The following SPAG5 variants were observed in gnomAD, a reference collection of about 807,000 sequenced individuals.
SPAG5 encodes the protein sperm-associated antigen 5.
Under a neutral mutation model 145.4 loss-of-function variants are expected in SPAG5, and 99 were observed. The ratio of observed to expected loss-of-function variants is 0.68; its 90% confidence interval spans 0.58 to 0.80. SPAG5 has a LOEUF of 0.80. SPAG5 is among the 30% of genes least tolerant of loss of function. The pLI is 0.00. For synonymous variants in SPAG5, 477 were observed against 525.4 expected, an observed-to-expected ratio of 0.91 and a Z score of 1.26; for missense variants, 1,192 against 1,416.0, an observed-to-expected ratio of 0.84 and a Z score of 2.54.
At chr17:28,594,727 T>G (rs1172873163) in intron 2 of SPAG5, among the ~76,000 whole-genome samples, 1 of 152,258 alleles carries the variant, frequency 6.6e-6, no homozygotes, top group Non-Finnish European at 1.5e-5. Context: ...TGGGTATTAG[T>G]TACATGGATG....
In SPAG5 at chr17:28,592,098, G is replaced by A. The variant is rs769602584; in HGVS notation, c.1146C>T (p.Cys382=). 6.2e-7 allele frequency: 1 copy of A among 1,614,158 alleles called. No individual in the cohort carries two copies. The highest frequency in any genetic ancestry group is 1.1e-5 in the South Asian group (1 of 91,084). Residue 382 remains cysteine, a synonymous_variant, in exon 3 of 24, where the codon TGC becomes TGT. Coordinates refer to ENST00000321765, the MANE Select transcript of SPAG5 (RefSeq NM_006461.4). ...AAGGAGTAAACCAAGTCCCCACCGAGCAAGTAGAGAAAGGGGTAGTGCCAA... is the reference window on the plus strand; with the variant it reads ...AAGGAGTAAACCAAGTCCCCACCGAACAAGTAGAGAAAGGGGTAGTGCCAA... ...AAIGTTPFST[C]SVGTWFTPSA... is the part of the protein sequence containing the mutation.
chr17:28,594,775 T>G (rs2070649464), intron 2 of SPAG5, among the ~76,000 whole-genome samples: 1 of 152,092 alleles, frequency 6.6e-6, no homozygotes, highest in Non-Finnish European at 1.5e-5. Flanking sequence ...TTATGTTTTA[T>G]TGTAATTTCA....
At chr17:28,584,544 C>T (rs2070570655) in intron 11 of SPAG5, 64 bp from the exon 12 acceptor site, 1 of 1,611,058 alleles carries the variant, frequency 6.2e-7, no homozygotes, top group Non-Finnish European at 8.5e-7. Context: ...CAAACTTCTG[C>T]TCCAAAGCAA....
At chr17:28,598,391 G>A in intron 2 of SPAG5, 119 bp downstream of exon 2, 1 of 1,260,770 alleles carries the variant, frequency 7.9e-7, no homozygotes, top group Non-Finnish European at 1.1e-6. Flanking sequence ...GTAAATGGAT[G>A]TCACCGACGT....
Position 28,587,493 on chromosome 17 carries a change from C to T in SPAG5, c.1438-994G>A, listed in dbSNP as rs1051392091. Reference sequence around the variant, plus strand: ...ACCGGGAGGCAAGGTTGCAGTGAGCCGAGATTACGCCACTGCACCCCAGCC... The same window carrying T: ...ACCGGGAGGCAAGGTTGCAGTGAGCTGAGATTACGCCACTGCACCCCAGCC... On this transcript the variant is annotated intron_variant, in intron 4 of 23. Coordinates refer to ENST00000321765, the MANE Select transcript of SPAG5 (RefSeq NM_006461.4). Among the ~76,000 whole-genome samples, 47 of 151,168 alleles carry T rather than the reference C, an allele frequency of 3.1e-4. 1 individual carries two copies. Among genetic ancestry groups the T allele is most frequent in the African/African-American group, 4.9e-5 (2 of 41,150 alleles).
rs764596806 is a variant in SPAG5 at position 28,577,780 on chromosome 17, G to A, written c.3511-10C>T. The A allele has an allele frequency of 6.2e-7, 1 of 1,611,996 alleles. No individual in the cohort carries two copies. Among genetic ancestry groups the A allele is most frequent in the South Asian group, 1.1e-5 (1 of 91,034 alleles). Reference sequence around the variant, plus strand: ...GAATAGAGAGCAGGGTCTGGGAAGAGAGGCAGAAAACGCAGCTCAGGACCA... The same window carrying A: ...GAATAGAGAGCAGGGTCTGGGAAGAAAGGCAGAAAACGCAGCTCAGGACCA... On this transcript the variant is annotated splice_polypyrimidine_tract_variant and intron_variant, in intron 23 of 23. Coordinates refer to ENST00000321765, the MANE Select transcript of SPAG5 (RefSeq NM_006461.4).
Position 28,580,056 on chromosome 17 carries a change from T to A in SPAG5, c.2750A>T (p.Asn917Ile). ...GATGCTTCCCAGGAAGGTCCTGTCATTAGGCAGAGGGTGTTCCTGGGTGGG... is the reference window on the plus strand; with the variant it reads ...GATGCTTCCCAGGAAGGTCCTGTCAATAGGCAGAGGGTGTTCCTGGGTGGG... ...CPPTQEHPLP[N>I]DRTFLGSILT... The change falls in exon 16 of 24, where the codon AAT becomes ATT. Residue 917 changes from asparagine (N) to isoleucine (I), a missense_variant. This residue lies in a region of SPAG5 where 709 missense variants were observed against 840.7 expected (regional missense o/e 0.84). Coordinates refer to ENST00000321765, the MANE Select transcript of SPAG5 (RefSeq NM_006461.4). 1 of 1,614,090 alleles carries A rather than the reference T, an allele frequency of 6.2e-7. No individual in the cohort carries two copies. Among genetic ancestry groups the A allele is most frequent in the Non-Finnish European group, 8.5e-7 (1 of 1,179,992 alleles).
At chr17:28,583,390 G>A in intron 15 of SPAG5, 121 bp downstream of exon 15, 2 of 1,078,128 alleles carry the variant, frequency 1.9e-6, no homozygotes, top group African/African-American at 1.6e-5. Flanking sequence ...AGGCTAATGA[G>A]GTCCTGTAGG....
intron 2 of SPAG5, among the ~76,000 whole-genome samples, chr17:28,598,136 G>A (rs1406266823): frequency 6.6e-6 from 1 of 152,188 alleles, no homozygotes; most frequent in Non-Finnish European, 1.5e-5. Flanking sequence ...TTGATCCCAG[G>A]AGAGTTCTAA....
intron 17 of SPAG5, 114 bp downstream of exon 17, chr17:28,579,637 G>A (rs2070536576): frequency 2.9e-6 from 4 of 1,381,698 alleles, no homozygotes; most frequent in Admixed American, 3.6e-5. Context: ...GAAATAAAAT[G>A]AGCCCAAGTA....
rs2070525968 is a variant in SPAG5, at chr17:28,578,683, C to T, written c.3187G>A (p.Gly1063Ser). 51 of 1,614,002 alleles carry T rather than the reference C, an allele frequency of 3.2e-5. No homozygotes were observed. The highest frequency in any genetic ancestry group is 4.2e-5 in the Non-Finnish European group (50 of 1,179,878). ...EKILEQIDKSGELISLREEVT... is the reference protein window; with the variant it reads ...EKILEQIDKSSELISLREEVT... ...GATGGTGAACATACTATGAGCTCGC[C>T]ACTCTTGTCTATCTGTTCTAGGATC... The change falls in exon 20 of 24, where the codon GGC (glycine) becomes AGC (serine). Residue 1063 changes from glycine to serine, a missense_variant. Gly to Ser is a moderately conservative substitution (Grantham distance 56). This residue lies in a region of SPAG5 where 709 missense variants were observed against 840.7 expected (regional missense o/e 0.84). Coordinates refer to ENST00000321765, the MANE Select transcript of SPAG5 (RefSeq NM_006461.4).
intron 20 of SPAG5, 35 bp downstream of exon 20, chr17:28,578,637 A>G: frequency 1.9e-6 from 3 of 1,611,006 alleles, no homozygotes; most frequent in Non-Finnish European, 2.5e-6. Flanking sequence ...CCAGTAACAC[A>G]GAAGGCAAAG....
chr17:28,578,817 G>A (rs2070527339), intron 19 of SPAG5, 65 bp from the exon 20 acceptor site: 1 of 1,342,730 alleles, frequency 7.4e-7, no homozygotes. Context: ...CTTGCCAGGA[G>A]GTAGGAGAGA....
chr17:28,583,866 C>G lies in SPAG5; in HGVS notation c.2533G>C (p.Val845Leu), dbSNP rs752244923. The G allele has an allele frequency of 4.3e-6, 7 of 1,613,712 alleles. No homozygotes were observed. Among genetic ancestry groups the G allele is most frequent in the Non-Finnish European group, 8.5e-7 (1 of 1,179,786 alleles). ...SLQCENLKDT[V>L]ENLTAKLAST... Reference sequence around the variant, plus strand: ...TAGAGAACTTACGTTAGGTTCTCTACAGTGTCCTTGAGGTTCTCACACTGC... The same window carrying G: ...TAGAGAACTTACGTTAGGTTCTCTAGAGTGTCCTTGAGGTTCTCACACTGC... Residue 845 changes from valine to leucine, a missense_variant, in exon 14 of 24, where the codon GTA (valine) becomes CTA (leucine). By Grantham distance (32) the Val-to-Leu change is conservative (BLOSUM62 1). Transcript: ENST00000321765.
intron 15 of SPAG5, among the ~76,000 whole-genome samples, chr17:28,583,259 A>G (rs1376433249): frequency 6.6e-6 from 1 of 152,246 alleles, no homozygotes; most frequent in South Asian, 2.1e-4. Flanking sequence ...ATGTGGGAAC[A>G]GCCAGAGTCT....
chr17:28,593,119 A>G, intron 2 of SPAG5, 53 bp from the exon 3 acceptor site: 1 of 1,580,924 alleles, frequency 6.3e-7, no homozygotes, highest in South Asian at 1.2e-5. Flanking sequence ...AGTTCCCGAC[A>G]TACAATTACA....
At chr17:28,598,359 C>G (rs2070683266) in intron 2 of SPAG5, 151 bp downstream of exon 2, 1 of 924,880 alleles carries the variant, frequency 1.1e-6, no homozygotes, top group Non-Finnish European at 1.6e-6. Flanking sequence ...CCTAGGGCAC[C>G]TCTCTGTTGG....
intron 4 of SPAG5, among the ~76,000 whole-genome samples, chr17:28,590,184 C>T (rs767913154): frequency 4.6e-5 from 7 of 152,142 alleles, no homozygotes; most frequent in Non-Finnish European, 4.4e-5. Context: ...GTTCGTATAT[C>T]TGTGGATTAC....
Position 28,592,761 on chromosome 17 carries a change from A to C in SPAG5, c.483T>G (p.Asn161Lys), listed in dbSNP as rs2070631576. 1 of 1,614,126 alleles carries C rather than the reference A, an allele frequency of 6.2e-7. No homozygotes were observed. The highest frequency in any genetic ancestry group is 8.5e-7 in the Non-Finnish European group (1 of 1,180,052). Residue 161 changes from asparagine (N) to lysine (K), a missense_variant, in exon 3 of 24, where the codon AAT becomes AAG. Transcript: ENST00000321765. ...CCAGATCGTCTGTTCTCAAAGGTCC[A>C]TTTAAAGATATGCTGTTTGTCTCTG... The part of the protein sequence containing the change: ...TMAETNSISL[N>K]GPLRTDDLVR...
Sources: gnomAD v4.1 joint callset for allele counts (sites outside exome capture counted in the v4.1 genomes callset) on GRCh38, gnomAD v4.1.1 for gene constraint, gnomAD v4.1.1 regional missense constraint, MANE v1.5 for transcripts, NCBI Gene and HGNC (gene_info 2026-07-23, HGNC 2026-07-21) for gene names.